Variants in NTNG1 observed in about 807,000 individuals in gnomAD.
NTNG1 encodes netrin-G1.
A neutral mutation model predicts 54.0 loss-of-function variants in NTNG1; 16 were observed. The observed-to-expected ratio is 0.30, with a 90% CI of 0.20 to 0.45. The LOEUF is 0.45. Among genes scored for constraint, NTNG1 ranks in the 20% least tolerant of loss-of-function variants. The pLI, the probability that NTNG1 is intolerant of heterozygous loss-of-function variation, is 1.00. For missense variants in NTNG1, 530 were observed against 678.7 expected, an observed-to-expected ratio of 0.78 and a Z score of 2.43; for synonymous variants, 255 against 263.1, an observed-to-expected ratio of 0.97 and a Z score of 0.30.
intron 3 of NTNG1, among the ~76,000 whole-genome samples, chr1:107,383,961 G>A (rs574071272): frequency 3.8e-4 from 58 of 152,300 alleles, no homozygotes; most frequent in African/African-American, 1.4e-3. Context: ...AATTTAACAA[G>A]CCTTTTGCCT....
chr1:107,425,512 T>C (rs565965988), intron 5 of NTNG1, among the ~76,000 whole-genome samples: 58 of 152,262 alleles, frequency 3.8e-4, no homozygotes, highest in Non-Finnish European at 7.1e-4. Context: ...ATGACATGAT[T>C]TAATTCTTTC....
chr1:107,377,017 A>G (rs1172089079), intron 3 of NTNG1, among the ~76,000 whole-genome samples: 1 of 152,194 alleles, frequency 6.6e-6, no homozygotes, highest in Non-Finnish European at 1.5e-5. Flanking sequence ...AAAGGGGGAG[A>G]TTAAAGTGCC....
chr1:107,384,889 G>A (rs1394126566), intron 3 of NTNG1, among the ~76,000 whole-genome samples: 1 of 152,274 alleles, frequency 6.6e-6, no homozygotes, highest in Non-Finnish European at 1.5e-5. Context: ...TTTGGTCATT[G>A]CATATTTTGG....
Position 107,447,872 on chromosome 1 carries a change from A to G in NTNG1, c.1390+11073A>G, listed in dbSNP as rs546471604. Among the ~76,000 whole-genome samples the G allele has an allele frequency of 1.8e-4, 28 of 152,252 alleles. No individual in the cohort carries two copies. In the East Asian group the frequency reaches 2.7e-3, roughly 15 times the overall value. ...TCCTTCCTAGCAAACTGGCCTGGCT[A>G]TCACATTGCCCAAAGCATTCACCTT... On this transcript the variant is annotated intron_variant, in intron 7 of 7. Coordinates refer to ENST00000370068, the MANE Select transcript of NTNG1 (RefSeq NM_001113226.3).
chr1:107,469,720 C>T (rs146435894), intron 7 of NTNG1, among the ~76,000 whole-genome samples: 302 of 152,278 alleles, frequency 2.0e-3, no homozygotes, highest in African/African-American at 7.2e-3. Flanking sequence ...TCTCAAAGTG[C>T]TGGGATTACA....
chr1:107,325,469 T>G lies in NTNG1; in HGVS notation c.887+547T>G, dbSNP rs537276212. 2.6e-5 allele frequency among the ~76,000 whole-genome samples: 4 copies of G among 152,256 alleles called. No individual in the cohort carries two copies. The South Asian group carries it at 8.3e-4, about 32-fold the overall frequency. Reference sequence around the variant, plus strand: ...CTTTTCATGTTTTTGGATGTTATTATATCAAAAATATATACTAGCATTTAA... The same window carrying G: ...CTTTTCATGTTTTTGGATGTTATTAGATCAAAAATATATACTAGCATTTAA... On this transcript the variant is annotated intron_variant, in intron 3 of 7. Coordinates refer to ENST00000370068, the MANE Select transcript of NTNG1 (RefSeq NM_001113226.3).
At chr1:107,145,037 G>A (rs879417718) in intron 1 of NTNG1, among the ~76,000 whole-genome samples, 5 of 151,966 alleles carry the variant, frequency 3.3e-5, no homozygotes, top group Admixed American at 6.6e-5. Flanking sequence ...GTTCAGTTAT[G>A]GGCCAGAAGG....
At chr1:107,460,403 G>A (rs752378744) in intron 7 of NTNG1, 2 of 518,650 alleles carry the variant, frequency 3.9e-6, no homozygotes, top group Middle Eastern at 3.2e-4. Context: ...TATTTTACCA[G>A]GCAGGACAGA....
At chr1:107,341,925 G>C (rs1424410509) in intron 3 of NTNG1, among the ~76,000 whole-genome samples, 2 of 152,024 alleles carry the variant, frequency 1.3e-5, no homozygotes, top group Non-Finnish European at 2.9e-5. Context: ...GTGTATCTAT[G>C]AGTTGTGAGG....
chr1:107,403,838 G>A (rs1439510837), intron 4 of NTNG1, among the ~76,000 whole-genome samples: 1 of 152,040 alleles, frequency 6.6e-6, no homozygotes, highest in Non-Finnish European at 1.5e-5. Flanking sequence ...AGGCACTTGA[G>A]TCTCTTTGTG....
chr1:107,305,407 T>C (rs1053612058), intron 2 of NTNG1, among the ~76,000 whole-genome samples: 2 of 152,218 alleles, frequency 1.3e-5, no homozygotes, highest in Non-Finnish European at 1.5e-5. Context: ...TGTTGTTTCC[T>C]GACTTCTTAA....
chr1:107,298,364 G>C lies in NTNG1; in HGVS notation c.247-25918G>C, dbSNP rs145686825. On this transcript the variant is annotated intron_variant, in intron 2 of 7. Transcript: ENST00000370068. ...TTACCTTTTTTCGAAGTTCTCATCT[G>C]CACTATCATAGACCTTAAGACAACG... Among the ~76,000 whole-genome samples, 632 of 152,210 alleles carry C rather than the reference G, an allele frequency of 4.2e-3. 4 individuals are homozygous for C. Among genetic ancestry groups the C allele is most frequent in the Non-Finnish European group, 6.6e-3 (447 of 68,006 alleles).
chr1:107,195,148 C>T (rs1045806562), intron 2 of NTNG1, among the ~76,000 whole-genome samples: 7 of 152,084 alleles, frequency 4.6e-5, no homozygotes, highest in Middle Eastern at 3.4e-3. Flanking sequence ...AATTCCACTG[C>T]GACCATTTGT....
Position 107,190,255 on chromosome 1 carries a change from T to A in NTNG1, c.246+41416T>A, listed in dbSNP as rs368226061. Among the ~76,000 whole-genome samples the A allele has an allele frequency of 3.9e-5, 6 of 152,178 alleles. No homozygotes were observed. In the South Asian group the frequency reaches 6.2e-4, roughly 16 times the overall value. ...GATTGTGGTAATGGTTGCAAAGCAATGTTAACTCACTTAATTCCACTGAAT... is the reference window on the plus strand; with the variant it reads ...GATTGTGGTAATGGTTGCAAAGCAAAGTTAACTCACTTAATTCCACTGAAT... On this transcript the variant is annotated intron_variant, in intron 2 of 7. Transcript: ENST00000370068.
At chr1:107,150,083 C>T (rs1224968612) in intron 2 of NTNG1, among the ~76,000 whole-genome samples, 1 of 152,034 alleles carries the variant, frequency 6.6e-6, no homozygotes, top group Non-Finnish European at 1.5e-5. Flanking sequence ...TCAGAAGTGC[C>T]TTTGGGGACT....
intron 3 of NTNG1, among the ~76,000 whole-genome samples, chr1:107,390,994 C>T (rs1370258417): frequency 6.6e-6 from 1 of 152,094 alleles, no homozygotes; most frequent in Non-Finnish European, 1.5e-5. Flanking sequence ...CAACTATGGG[C>T]AGATATTTTT....
chr1:107,445,927 A>C (rs181202952), intron 7 of NTNG1, among the ~76,000 whole-genome samples: 50 of 152,238 alleles, frequency 3.3e-4, no homozygotes, highest in African/African-American at 1.2e-3. Context: ...AATCATTTAA[A>C]AAAGGTAAAA....
chr1:107,289,888 AT>A (rs1256289003), intron 2 of NTNG1, among the ~76,000 whole-genome samples: 7 of 152,154 alleles, frequency 4.6e-5, no homozygotes, highest in Non-Finnish European at 1.0e-4. Flanking sequence ...ATTTTTATAC[AT>A]TGAATTTTGC....
chr1:107,403,140 A>G (rs750676109), intron 4 of NTNG1, among the ~76,000 whole-genome samples: 2 of 152,150 alleles, frequency 1.3e-5, no homozygotes, highest in Admixed American at 6.5e-5. Flanking sequence ...AAAACATCAC[A>G]TTATTATATT....
Sources: gnomAD v4.1 joint callset for allele counts (sites outside exome capture counted in the v4.1 genomes callset) on GRCh38, gnomAD v4.1.1 for gene constraint, MANE v1.5 for transcripts, NCBI Gene and HGNC (gene_info 2026-07-23, HGNC 2026-07-21) for gene names.